SNTB2: variants seen among roughly 807,000 people sequenced by gnomAD.
The protein encoded by SNTB2 is beta-2-syntrophin.
SNTB2 carries 34 observed loss-of-function variants against 46.2 expected under a neutral mutation model. The observed-to-expected ratio is 0.74, with a 90% CI of 0.56 to 0.98. SNTB2 has a LOEUF of 0.98. Among genes scored for constraint, SNTB2 ranks in the 50% least tolerant of loss-of-function variants. SNTB2 has a pLI of 0.00. For synonymous variants in SNTB2, 290 were observed against 312.6 expected, an observed-to-expected ratio of 0.93 and a Z score of 0.76; for missense variants, 603 against 731.4, an observed-to-expected ratio of 0.82 and a Z score of 2.02.
chr16:69,285,410 A>G (rs1342165416), intron 5 of SNTB2, among the ~76,000 whole-genome samples: 1 of 146,314 alleles, frequency 6.8e-6, no homozygotes, highest in Non-Finnish European at 1.5e-5. Context: ...GCTGGAGTCC[A>G]GTGGCATGAT....
At position 69,187,541 on chromosome 16, in the gene SNTB2, C is replaced by T. The variant is rs1443614303; in HGVS notation, c.375C>T (p.Gly125=). ...RVRVVKQEAG[G]LGISIKGGRE... ...GGGTGGTGAAGCAAGAGGCGGGCGG[C>T]CTGGGCATCAGCATCAAGGGCGGCC... Residue 125 remains glycine, a synonymous_variant, in exon 1 of 7, where the codon GGC becomes GGT. Transcript: ENST00000336278. 19 of 1,421,640 alleles carry T rather than the reference C, an allele frequency of 1.3e-5. No homozygotes were observed. The highest frequency in any genetic ancestry group is 1.7e-5 in the Non-Finnish European group (18 of 1,079,194). 88.1% of individuals were successfully genotyped at this position (1,421,640 alleles called of 1,614,324 possible).
At chr16:69,212,378 C>T (rs1964297110) in intron 1 of SNTB2, among the ~76,000 whole-genome samples, 1 of 152,038 alleles carries the variant, frequency 6.6e-6, no homozygotes, top group Admixed American at 6.6e-5. Context: ...GTCTCTCTGT[C>T]ACCAGGCTGG....
intron 1 of SNTB2, among the ~76,000 whole-genome samples, chr16:69,196,016 T>G (rs1410791766): frequency 6.6e-6 from 1 of 152,176 alleles, no homozygotes; most frequent in Non-Finnish European, 1.5e-5. Context: ...CCAGGTGGAA[T>G]CACTTCAGCC....
At chr16:69,296,958 C>T (rs1038178973) in intron 5 of SNTB2, among the ~76,000 whole-genome samples, 4 of 149,788 alleles carry the variant, frequency 2.7e-5, no homozygotes, top group African/African-American at 7.4e-5. Context: ...GCCGAGGTTG[C>T]GCCATTGCCC....
chr16:69,210,640 G>T (rs954995581), intron 1 of SNTB2, among the ~76,000 whole-genome samples: 3 of 151,934 alleles, frequency 2.0e-5, no homozygotes, highest in African/African-American at 7.2e-5. Context: ...TCCCACCTCA[G>T]CCTCCCAGGT....
intron 1 of SNTB2, among the ~76,000 whole-genome samples, chr16:69,235,415 T>C (rs943595887): frequency 5.3e-5 from 8 of 152,160 alleles, no homozygotes; most frequent in African/African-American, 1.2e-4. Flanking sequence ...TGAAACAATA[T>C]TGAGTAACAT....
chr16:69,250,007 G>A (rs1390759656), intron 2 of SNTB2, among the ~76,000 whole-genome samples: 1 of 152,124 alleles, frequency 6.6e-6, no homozygotes, highest in Non-Finnish European at 1.5e-5. Flanking sequence ...GCTGAGATAG[G>A]AGAATTGCTT....
intron 1 of SNTB2, among the ~76,000 whole-genome samples, chr16:69,208,306 C>T (rs1372992337): frequency 2.7e-5 from 4 of 150,894 alleles, no homozygotes; most frequent in Non-Finnish European, 2.9e-5. Flanking sequence ...CTAGGGAGGC[C>T]GAGGCAGGAG....
At chr16:69,207,499 C>T (rs1964235284) in intron 1 of SNTB2, among the ~76,000 whole-genome samples, 1 of 152,168 alleles carries the variant, frequency 6.6e-6, no homozygotes, top group African/African-American at 2.4e-5. Context: ...TTTTATCTTA[C>T]ATTTTATGTT....
intron 1 of SNTB2, among the ~76,000 whole-genome samples, chr16:69,237,635 C>CTTTT (rs1964571471): frequency 1.7e-5 from 2 of 115,980 alleles, no homozygotes; most frequent in African/African-American, 7.2e-5. Context: ...CAGAGTTTTG[C>CTTTT]TCTGTTACCC....
intron 4 of SNTB2, among the ~76,000 whole-genome samples, chr16:69,270,802 G>C (rs796756375): frequency 6.6e-5 from 10 of 152,274 alleles, no homozygotes; most frequent in African/African-American, 2.4e-4. Context: ...TAGCATTCCA[G>C]ATATGGAGGG....
chr16:69,259,021 G>C (rs1469242295), intron 2 of SNTB2, among the ~76,000 whole-genome samples: 1 of 151,900 alleles, frequency 6.6e-6, no homozygotes, highest in East Asian at 1.9e-4. Flanking sequence ...TGCTTAAAAG[G>C]GTATCAGTTC....
In SNTB2 at chr16:69,220,154, A is replaced by ATTTT. The variant is rs889068336; in HGVS notation, c.581-25425_581-25422dup. Among the ~76,000 whole-genome samples, 406 of 97,580 alleles carry ATTTT rather than the reference A, an allele frequency of 4.2e-3. 30 individuals carry two copies. Among genetic ancestry groups the ATTTT allele is most frequent in the African/African-American group, 0.012 (262 of 21,854 alleles). The allele number at this position is 97,580 out of a possible 152,430, so 64.0% of individuals were successfully genotyped here. ...GTATGTTCCAATGCAAGAAAGTCAG[A>ATTTT]TTTTTTTTTTTTTTTTTTTTTTTTT... On this transcript the variant is annotated intron_variant, in intron 1 of 6. Transcript: ENST00000336278.
intron 1 of SNTB2, among the ~76,000 whole-genome samples, chr16:69,220,406 C>T (rs1401724041): frequency 2.7e-5 from 4 of 150,486 alleles, no homozygotes; most frequent in African/African-American, 9.8e-5. Context: ...CTGATCCTCC[C>T]GCCTCAGCCT....
chr16:69,283,948 G>A, intron 4 of SNTB2, 100 bp from the exon 5 acceptor site: 1 of 1,116,578 alleles, frequency 9.0e-7, no homozygotes, highest in Non-Finnish European at 1.3e-6. Flanking sequence ...AAAAACTGCT[G>A]ATTGCTTTTA....
At chr16:69,265,893 T>C (rs922543662) in intron 3 of SNTB2, among the ~76,000 whole-genome samples, 4 of 150,918 alleles carry the variant, frequency 2.7e-5, no homozygotes, top group Admixed American at 6.6e-5. Flanking sequence ...GGTTTGTGCA[T>C]GTGTAGGTGT....
At chr16:69,246,791 A>G (rs1964673901) in intron 2 of SNTB2, among the ~76,000 whole-genome samples, 1 of 148,360 alleles carries the variant, frequency 6.7e-6, no homozygotes, top group South Asian at 2.1e-4. Context: ...TAGTCTTGGG[A>G]GAGTGTATGT....
At chr16:69,234,672 C>T (rs58788930) in intron 1 of SNTB2, among the ~76,000 whole-genome samples, 2 of 150,632 alleles carry the variant, frequency 1.3e-5, no homozygotes, top group Admixed American at 6.6e-5. Context: ...TACGGAGATG[C>T]AGAAGACATT....
At chr16:69,239,834 G>A (rs1421068408) in intron 1 of SNTB2, among the ~76,000 whole-genome samples, 1 of 152,032 alleles carries the variant, frequency 6.6e-6, no homozygotes, top group Non-Finnish European at 1.5e-5. Context: ...CATGAGCCAC[G>A]ACGCCTGGCT....
Sources: gnomAD v4.1 joint callset for allele counts (sites outside exome capture counted in the v4.1 genomes callset) on GRCh38, gnomAD v4.1.1 for gene constraint, MANE v1.5 for transcripts, NCBI Gene and HGNC (gene_info 2026-07-23, HGNC 2026-07-21) for gene names.